Variants in TRIM14 observed in about 807,000 individuals in gnomAD.
TRIM14 encodes tripartite motif-containing protein 14.
A neutral mutation model predicts 44.5 loss-of-function variants in TRIM14; 28 were observed. That is an observed-to-expected ratio of 0.63 (90% confidence interval 0.47 to 0.86). The LOEUF is 0.86. TRIM14 is among the 40% of genes least tolerant of loss of function. TRIM14 has a pLI of 0.00. For synonymous variants in TRIM14, 299 were observed against 269.2 expected, an observed-to-expected ratio of 1.11 and a Z score of -1.08; for missense variants, 607 against 611.1, an observed-to-expected ratio of 0.99 and a Z score of 0.07.
At chr9:98,056,307 A>G in the TRIM14 span, among the ~76,000 whole-genome samples, 20 of 152,044 alleles carry the variant, frequency 1.3e-4, no homozygotes, top group Non-Finnish European at 2.2e-4. Context: ...AGTAACGTAT[A>G]TATGAGCAGG....
chr9:98,037,726 G>A, the TRIM14 span, among the ~76,000 whole-genome samples: 1 of 152,106 alleles, frequency 6.6e-6, no homozygotes, highest in Non-Finnish European at 1.5e-5. Context: ...TGGCACAGTT[G>A]GGGTAGCCAC....
At chr9:98,110,119 A>G in intron 1 of TRIM14, 135 bp from the exon 2 acceptor site, 6 of 670,878 alleles carry the variant, frequency 8.9e-6, no homozygotes, top group South Asian at 7.0e-5. Flanking sequence ...AACTTGCCCA[A>G]AGTCATATGG....
chr9:98,061,357 A>G, the TRIM14 span: 109 of 225,782 alleles, frequency 4.8e-4, 2 homozygotes, highest in African/African-American at 2.3e-3. Flanking sequence ...CGTGCCTGTA[A>G]TCCCAGTTAC....
chr9:98,100,014 T>C lies in TRIM14; in HGVS notation c.454A>G (p.Arg152Gly). 5 of 1,614,226 alleles carry C rather than the reference T, an allele frequency of 3.1e-6. No homozygotes were observed. Among genetic ancestry groups the C allele is most frequent in the Non-Finnish European group, 4.2e-6 (5 of 1,180,030 alleles). The change falls in exon 3 of 6, where the codon AGA becomes GGA. Residue 152 changes from arginine (R) to glycine (G), a missense_variant. Transcript: ENST00000341469. ...QVYREQADSC[R>G]EQLDIMNDLS... ...TCATTCATGATGTCAAGTTGCTCTCTGCAAGAGTCAGCTTGTTCCCTGTAC... is the reference window on the plus strand; with the variant it reads ...TCATTCATGATGTCAAGTTGCTCTCCGCAAGAGTCAGCTTGTTCCCTGTAC...
At chr9:98,042,036 T>G in the TRIM14 span, among the ~76,000 whole-genome samples, 1 of 151,792 alleles carries the variant, frequency 6.6e-6, no homozygotes, top group East Asian at 2.0e-4. Context: ...GGCTCATGCC[T>G]CTAATCCCAG....
At chr9:98,063,851 T>C in the TRIM14 span, among the ~76,000 whole-genome samples, 1 of 150,838 alleles carries the variant, frequency 6.6e-6, no homozygotes, top group Admixed American at 6.7e-5. Context: ...CCTGTTTTTT[T>C]GTGCTAATAA....
the TRIM14 span, among the ~76,000 whole-genome samples, chr9:98,057,171 C>G: frequency 7.9e-5 from 12 of 152,242 alleles, no homozygotes; most frequent in Admixed American, 3.9e-4. Context: ...GTTTCCTCCC[C>G]GTTCTGGTGC....
downstream of TRIM14, among the ~76,000 whole-genome samples, chr9:98,082,380 C>T (rs762350465): frequency 2.6e-5 from 4 of 152,130 alleles, no homozygotes; most frequent in East Asian, 1.9e-4. Flanking sequence ...AGTCACCCAC[C>T]CTGTATGGGC....
intron 1 of TRIM14, among the ~76,000 whole-genome samples, chr9:98,113,736 T>C (rs1248969370): frequency 6.6e-6 from 1 of 152,250 alleles, no homozygotes; most frequent in African/African-American, 2.4e-5. Context: ...TATTTACTTT[T>C]GCATAAATGG....
chr9:98,099,315 G>A (rs1826302120), intron 3 of TRIM14, among the ~76,000 whole-genome samples: 1 of 152,026 alleles, frequency 6.6e-6, no homozygotes, highest in South Asian at 2.1e-4. Flanking sequence ...AGCCACGCAT[G>A]GTGGCACATG....
At chr9:98,045,409 T>C in the TRIM14 span, among the ~76,000 whole-genome samples, 1 of 152,202 alleles carries the variant, frequency 6.6e-6, no homozygotes, top group South Asian at 2.1e-4. Context: ...AGTGGAGGTA[T>C]AAACAAACCA....
chr9:98,054,721 G>A, the TRIM14 span, among the ~76,000 whole-genome samples: 2 of 152,258 alleles, frequency 1.3e-5, no homozygotes, highest in Admixed American at 1.3e-4. Context: ...TAGAGATGAC[G>A]CCAGAGTCAG....
intron 1 of TRIM14, among the ~76,000 whole-genome samples, chr9:98,117,276 T>TTTTATTTA (rs55719181): frequency 0.014 from 2,085 of 147,626 alleles, 21 homozygotes; most frequent in East Asian, 0.018. Flanking sequence ...AGATTCTCTG[T>TTTTATTTA]TTTATTTATT....
downstream of TRIM14, among the ~76,000 whole-genome samples, chr9:98,065,264 G>A (rs1312619301): frequency 6.7e-6 from 1 of 149,814 alleles, no homozygotes; most frequent in African/African-American, 2.5e-5. Context: ...TTTAGCTTCT[G>A]GTGAAATAAT....
intron 1 of TRIM14, among the ~76,000 whole-genome samples, chr9:98,110,979 G>A (rs995221790): frequency 2.0e-5 from 3 of 151,596 alleles, no homozygotes; most frequent in African/African-American, 7.3e-5. Flanking sequence ...AAGCCCAGGA[G>A]GTTGCAGTGA....
the TRIM14 span, chr9:98,061,073 T>C: frequency 1.4e-6 from 2 of 1,402,596 alleles, no homozygotes; most frequent in South Asian, 2.4e-5. Context: ...ACTTCCGGCT[T>C]AGGGCCACCT....
chr9:98,040,787 G>A, the TRIM14 span, among the ~76,000 whole-genome samples: 1 of 152,030 alleles, frequency 6.6e-6, no homozygotes, highest in Non-Finnish European at 1.5e-5. Flanking sequence ...CTCCCGGGTA[G>A]CTAGGATTAC....
chr9:98,073,420 G>T (rs555889378), intron 6 of TRIM14, among the ~76,000 whole-genome samples: 1 of 151,572 alleles, frequency 6.6e-6, no homozygotes, highest in East Asian at 2.0e-4. Flanking sequence ...GAGTAGCTGG[G>T]ATTACAGACA....
In TRIM14 at chr9:98,087,247, G is replaced by T; in HGVS notation, c.*223C>A. ...GTGATGGTGGGGTGAGGGTGCGGAG[G>T]TCTGATGAGAGGGCAGCAGCAGACT... On this transcript the variant is annotated 3_prime_UTR_variant, in exon 6 of 6. Transcript: ENST00000341469. The T allele has an allele frequency of 1.3e-6, 1 of 799,878 alleles. No homozygotes were observed. The highest frequency in any genetic ancestry group is 2.3e-6 in the Non-Finnish European group (1 of 437,178). 49.5% of individuals were successfully genotyped at this position (799,878 alleles called of 1,614,324 possible). A position where few individuals can be genotyped will look rare whatever the true frequency, so the allele number is the denominator to read the frequency against.
Sources: gnomAD v4.1 joint callset for allele counts (sites outside exome capture counted in the v4.1 genomes callset) on GRCh38, gnomAD v4.1.1 for gene constraint, MANE v1.5 for transcripts, NCBI Gene and HGNC (gene_info 2026-07-23, HGNC 2026-07-21) for gene names.